Variants in ABCB11 observed in about 807,000 individuals in gnomAD.
ABCB11 encodes bile salt export pump.
ABCB11 carries 95 observed loss-of-function variants against 148.0 expected under a neutral mutation model. That is an observed-to-expected ratio of 0.64 (90% CI 0.54 to 0.76). ABCB11 has a LOEUF of 0.76. Among genes scored for constraint, ABCB11 ranks in the 30% least tolerant of loss-of-function variants. The pLI is 0.00. For missense variants in ABCB11, 1,523 were observed against 1,617.8 expected (o/e 0.94, Z 1.01); for synonymous variants, 591 against 555.4 (o/e 1.06, Z -0.90).
At chr2:169,017,728 C>A (rs10202892) in intron 2 of ABCB11, among the ~76,000 whole-genome samples, 14,570 of 152,016 alleles carry the variant, frequency 0.096, 1,175 homozygotes, top group African/African-American at 0.22. Context: ...AGCGCTCACT[C>A]AATTATGATT....
intron 19 of ABCB11, among the ~76,000 whole-genome samples, chr2:168,951,273 T>A (rs1441216100): frequency 6.6e-6 from 1 of 151,788 alleles, no homozygotes; most frequent in African/African-American, 2.4e-5. Flanking sequence ...AAATTGTTTT[T>A]TTCTAATTCT....
chr2:168,991,015 G>C, intron 8 of ABCB11, 90 bp from the exon 9 acceptor site: 2 of 1,411,520 alleles, frequency 1.4e-6, no homozygotes, highest in Admixed American at 2.0e-5. Flanking sequence ...ATGTGGCATG[G>C]GTTTAATACA....
chr2:168,994,258 T>C (rs112648821), intron 7 of ABCB11, among the ~76,000 whole-genome samples: 71 of 152,228 alleles, frequency 4.7e-4, no homozygotes, highest in South Asian at 2.1e-3. Flanking sequence ...ACATACCTTC[T>C]CGTGCATCAA....
At chr2:168,953,252 T>G (rs1399346240) in intron 19 of ABCB11, among the ~76,000 whole-genome samples, 1 of 151,692 alleles carries the variant, frequency 6.6e-6, no homozygotes, top group Non-Finnish European at 1.5e-5. Context: ...GTCCAATGTT[T>G]GTTTGCTGAT....
intron 14 of ABCB11, among the ~76,000 whole-genome samples, chr2:168,971,035 GA>G (rs1275851995): frequency 6.6e-6 from 1 of 151,996 alleles, no homozygotes; most frequent in African/African-American, 2.4e-5. Flanking sequence ...AGAGAATTTA[GA>G]AGGCTGAAAG....
intron 5 of ABCB11, among the ~76,000 whole-genome samples, chr2:169,008,600 G>C (rs1433067674): frequency 6.6e-6 from 1 of 152,122 alleles, no homozygotes; most frequent in African/African-American, 2.4e-5. Flanking sequence ...TATCTTTGGG[G>C]GTCATTATTC....
At chr2:168,953,851 C>T (rs1692671518) in intron 19 of ABCB11, among the ~76,000 whole-genome samples, 1 of 151,586 alleles carries the variant, frequency 6.6e-6, no homozygotes, top group East Asian at 2.0e-4. Flanking sequence ...TAATCAGAAG[C>T]TCAAAAGAAT....
chr2:168,995,519 T>C, intron 6 of ABCB11, 37 bp from the exon 7 acceptor site: 1 of 1,578,710 alleles, frequency 6.3e-7, no homozygotes, highest in Non-Finnish European at 8.6e-7. Context: ...CATTGCAATG[T>C]TTGAAATATT....
At chr2:168,972,191 T>C in intron 13 of ABCB11, 141 bp from the exon 14 acceptor site, 1 of 705,770 alleles carries the variant, frequency 1.4e-6, no homozygotes, top group Non-Finnish European at 2.4e-6. Context: ...TGAAATGTGG[T>C]TCTTTATATA....
Position 168,930,688 on chromosome 2 carries a change from A to G in ABCB11, c.3388T>C (p.Tyr1130His), listed in dbSNP as rs1691527195. 6.4e-7 allele frequency: 1 copy of G among 1,574,692 alleles called. No individual in the cohort carries two copies. Among genetic ancestry groups the G allele is most frequent in the African/African-American group, 1.4e-5 (1 of 73,938 alleles). The part of the protein sequence containing the change: ...STSIQLLERF[Y>H]DPDQGKVMID... ...ACCACCTTCCCTTGATCAGGATCAT[A>G]GAAACGTTCCAACAGCTGAATGCTA... The change falls in exon 25 of 28, where the codon TAT (tyrosine) becomes CAT (histidine). Residue 1130 changes from tyrosine (Y) to histidine (H), a missense_variant. Coordinates refer to ENST00000650372, the MANE Select transcript of ABCB11 (RefSeq NM_003742.4).
At chr2:168,965,689 A>C (rs867249404) in intron 17 of ABCB11, among the ~76,000 whole-genome samples, 3 of 151,852 alleles carry the variant, frequency 2.0e-5, no homozygotes, top group Admixed American at 6.6e-5. Context: ...GTAAAGAGAG[A>C]GATGTGAGTG....
chr2:169,001,057 T>G (rs760630829), intron 5 of ABCB11, among the ~76,000 whole-genome samples: 16 of 152,190 alleles, frequency 1.1e-4, no homozygotes, highest in Non-Finnish European at 1.6e-4. Context: ...CTACTAGTGC[T>G]GTCATTTTAC....
In ABCB11 at chr2:168,922,776, C is replaced by T. The variant is rs1036597472; in HGVS notation, c.*846G>A. Reference sequence around the variant, plus strand: ...TATTTACTTGCTTTTTTGTATAAAACCTTATGAAACTACAGCAAAGTAAAA... The same window carrying T: ...TATTTACTTGCTTTTTTGTATAAAATCTTATGAAACTACAGCAAAGTAAAA... On this transcript the variant is annotated 3_prime_UTR_variant, in exon 28 of 28. Transcript: ENST00000650372. Among the ~76,000 whole-genome samples, 1 of 152,116 alleles carries T rather than the reference C, an allele frequency of 6.6e-6. No individual in the cohort carries two copies. Among genetic ancestry groups the T allele is most frequent in the Non-Finnish European group, 1.5e-5 (1 of 68,024 alleles).
chr2:168,935,367 C>T lies in ABCB11; in HGVS notation c.2873G>A (p.Arg958Gln), dbSNP rs761363245. The T allele has an allele frequency of 3.2e-5, 52 of 1,613,846 alleles. 1 individual carries two copies. In the East Asian group the frequency reaches 9.4e-4, roughly 29 times the overall value. Reference protein sequence around the residue: ...RTVAGIGKERRFIEALETELE... With the variant: ...RTVAGIGKERQFIEALETELE... ...CTCAGTCTCAAGTGCTTCAATGAACCGCCTCTCCTTTCCAATTCCAGCAAC... is the reference window on the plus strand; with the variant it reads ...CTCAGTCTCAAGTGCTTCAATGAACTGCCTCTCCTTTCCAATTCCAGCAAC... The change falls in exon 23 of 28, where the codon CGG becomes CAG. Residue 958 changes from arginine to glutamine, a missense_variant. By Grantham distance (43) the Arg-to-Gln change is conservative. Coordinates refer to ENST00000650372, the MANE Select transcript of ABCB11 (RefSeq NM_003742.4).
chr2:168,976,048 T>G (rs1693888980), intron 12 of ABCB11, among the ~76,000 whole-genome samples: 1 of 152,086 alleles, frequency 6.6e-6, no homozygotes, highest in African/African-American at 2.4e-5. Flanking sequence ...TTTCACCATG[T>G]GCCCTGAACA....
chr2:168,944,598 A>G lies in ABCB11; in HGVS notation c.2610+7T>C, dbSNP rs774541851. 13 of 1,594,146 alleles carry G rather than the reference A, an allele frequency of 8.2e-6. No homozygotes were observed. Among genetic ancestry groups the G allele is most frequent in the South Asian group, 1.1e-5 (1 of 87,752 alleles). On this transcript the variant is annotated splice_region_variant and intron_variant, in intron 21 of 27. Transcript: ENST00000650372. ...AATATACTTCTATTTCCCCTCCCAT[A>G]GCTCACCCCTTGAACTTGGGAAGCA...
At chr2:168,952,286 T>C (rs551311458) in intron 19 of ABCB11, among the ~76,000 whole-genome samples, 5 of 151,738 alleles carry the variant, frequency 3.3e-5, no homozygotes, top group African/African-American at 7.2e-5. Flanking sequence ...CTAAAATAGT[T>C]TCAGGAGGAT....
In ABCB11 at chr2:168,983,460, T is replaced by C. The variant is rs181934227; in HGVS notation, c.1083+2650A>G. ...GTTAAGAAGTGGTTAAATTATAAAA[T>C]TGGTAACACTTCCCATCCATACTAT... On this transcript the variant is annotated intron_variant, in intron 10 of 27. Transcript: ENST00000650372. Among the ~76,000 whole-genome samples, 137 of 152,282 alleles carry C rather than the reference T, an allele frequency of 9.0e-4. 1 individual carries two copies. Among genetic ancestry groups the C allele is most frequent in the African/African-American group, 3.1e-3 (130 of 41,566 alleles).
intron 7 of ABCB11, among the ~76,000 whole-genome samples, chr2:168,994,572 G>C (rs1694655380): frequency 6.6e-6 from 1 of 152,036 alleles, no homozygotes; most frequent in Non-Finnish European, 1.5e-5. Context: ...AAAGCCTATA[G>C]GACAGCGCCT....
Sources: allele counts gnomAD v4.1 joint callset (sites outside exome capture counted in the v4.1 genomes callset), GRCh38; gene constraint gnomAD v4.1.1; transcripts MANE v1.5; gene names NCBI Gene and HGNC (gene_info 2026-07-23, HGNC 2026-07-21).